FILIP1L: variants seen among roughly 807,000 people sequenced by gnomAD.
FILIP1L encodes the protein filamin A interacting protein 1 like, also known as filamin A-interacting protein 1-like.
FILIP1L carries 55 observed loss-of-function variants against 96.6 expected under a neutral mutation model. That is an observed-to-expected ratio of 0.57 (90% CI 0.46 to 0.71). The LOEUF (loss-of-function observed/expected upper bound fraction) is 0.71, where lower values mean the gene tolerates loss of function less well. Ranked by LOEUF, FILIP1L falls within the 30% of genes least tolerant of loss-of-function variation. The pLI is 0.00. For synonymous variants in FILIP1L, 467 were observed against 473.9 expected, an observed-to-expected ratio of 0.99 and a Z score of 0.19; for missense variants, 1,304 against 1,321.2, an observed-to-expected ratio of 0.99 and a Z score of 0.20.
rs189728093 is a variant in FILIP1L at position 99,841,860 on chromosome 3, A to G, written c.3381+6435T>C. Among the ~76,000 whole-genome samples the G allele has an allele frequency of 7.2e-3, 1,096 of 152,308 alleles. 18 individuals are homozygous for G. Among genetic ancestry groups the G allele is most frequent in the African/African-American group, 0.024 (1,009 of 41,552 alleles). ...TAGATGTTGGTGTGGATGTGGTGAAAGGGGAACACTTTTACACTGTTGGTG... is the reference window on the plus strand; with the variant it reads ...TAGATGTTGGTGTGGATGTGGTGAAGGGGGAACACTTTTACACTGTTGGTG... On this transcript the variant is annotated intron_variant, in intron 5 of 5. Coordinates refer to ENST00000477258, the MANE Select transcript of FILIP1L (RefSeq NM_001387850.1).
At chr3:99,994,746 A>C (rs1415562650) in intron 1 of FILIP1L, among the ~76,000 whole-genome samples, 2 of 152,200 alleles carry the variant, frequency 1.3e-5, no homozygotes, top group African/African-American at 4.8e-5. Flanking sequence ...GGTGGGAGGC[A>C]AAAGGCACTT....
chr3:99,972,664 G>A (rs1369452190), intron 1 of FILIP1L, among the ~76,000 whole-genome samples: 2 of 152,142 alleles, frequency 1.3e-5, no homozygotes, highest in African/African-American at 4.8e-5. Flanking sequence ...CACCCTGTTG[G>A]GAAAGATTGA....
At chr3:99,841,652 C>A (rs1943137821) in intron 5 of FILIP1L, among the ~76,000 whole-genome samples, 1 of 151,974 alleles carries the variant, frequency 6.6e-6, no homozygotes, top group South Asian at 2.1e-4. Flanking sequence ...AGGCGCAATC[C>A]CATCATAAAA....
intron 1 of FILIP1L, among the ~76,000 whole-genome samples, chr3:99,939,269 G>C (rs1378451234): frequency 2.6e-5 from 4 of 152,184 alleles, no homozygotes; most frequent in Non-Finnish European, 5.9e-5. Context: ...GTCCAAAAGT[G>C]CTTCCTTGTT....
intron 1 of FILIP1L, among the ~76,000 whole-genome samples, chr3:99,954,087 T>C (rs913201698): frequency 6.6e-6 from 1 of 152,264 alleles, no homozygotes; most frequent in African/African-American, 2.4e-5. Context: ...GTAGCAGCCT[T>C]AGGCTAAGCA....
intron 1 of FILIP1L, among the ~76,000 whole-genome samples, chr3:100,056,537 C>T (rs1199467603): frequency 1.3e-5 from 2 of 152,138 alleles, no homozygotes; most frequent in Non-Finnish European, 2.9e-5. Context: ...TTTTAGCCTC[C>T]AGGTCAGAAA....
intron 5 of FILIP1L, among the ~76,000 whole-genome samples, chr3:99,845,340 A>G (rs1011793436): frequency 3.3e-5 from 5 of 152,190 alleles, no homozygotes; most frequent in Non-Finnish European, 7.4e-5. Context: ...AAAGAGTTAA[A>G]GAGATAGTGG....
intron 1 of FILIP1L, among the ~76,000 whole-genome samples, chr3:100,102,322 A>G (rs1053078923): frequency 1.3e-5 from 2 of 151,928 alleles, no homozygotes; most frequent in African/African-American, 4.8e-5. Flanking sequence ...TCTAACTGGT[A>G]TGAGATGGTA....
chr3:100,040,953 C>T (rs1318363262), intron 1 of FILIP1L: 1 of 152,134 alleles, frequency 6.6e-6, no homozygotes, highest in Non-Finnish European at 1.5e-5. Context: ...GTTTTTATAA[C>T]GAGTTCATGT....
chr3:99,891,647 A>G (rs1186773034), intron 4 of FILIP1L, among the ~76,000 whole-genome samples: 1 of 152,200 alleles, frequency 6.6e-6, no homozygotes, highest in Non-Finnish European at 1.5e-5. Flanking sequence ...AGCAATGGAC[A>G]TTAGAACAAT....
At chr3:99,859,046 C>CTAAATG (rs1944111585) in intron 4 of FILIP1L, among the ~76,000 whole-genome samples, 1 of 152,204 alleles carries the variant, frequency 6.6e-6, no homozygotes, top group Non-Finnish European at 1.5e-5. Context: ...TCTCCCAGTC[C>CTAAATG]ACAGAAAAGT....
At chr3:100,043,635 G>T (rs2065239180) in intron 1 of FILIP1L, among the ~76,000 whole-genome samples, 1 of 152,116 alleles carries the variant, frequency 6.6e-6, no homozygotes, top group African/African-American at 2.4e-5. Flanking sequence ...TACATCCCTG[G>T]AAGGTGATTA....
At chr3:99,901,223 C>T (rs549668202) in intron 4 of FILIP1L, among the ~76,000 whole-genome samples, 1 of 152,198 alleles carries the variant, frequency 6.6e-6, no homozygotes, top group Non-Finnish European at 1.5e-5. Context: ...AATGGCTACA[C>T]GTTGAAATAG....
rs370561748 is a variant in FILIP1L at position 99,849,858 on chromosome 3, T to C, written c.1818A>G (p.Lys606=). The C allele has an allele frequency of 6.2e-7, 1 of 1,611,158 alleles. No individual in the cohort carries two copies. The highest frequency in any genetic ancestry group is 8.5e-7 in the Non-Finnish European group (1 of 1,179,532). The part of the protein sequence containing the change: ...EAIEKDFLKN[K]LNQDSGKSTT... ...TGGATTTCCCAGAGTCTTGATTTAA[T>C]TTGTTTTTTAGGAAATCTTTCTCAA... The change falls in exon 5 of 6, where the codon AAA becomes AAG. Residue 606 remains lysine (K), a synonymous_variant. Coordinates refer to ENST00000477258, the MANE Select transcript of FILIP1L (RefSeq NM_001387850.1).
At chr3:99,930,671 A>G in intron 2 of FILIP1L, 98 bp downstream of exon 2, 1 of 1,325,988 alleles carries the variant, frequency 7.5e-7, no homozygotes, top group Non-Finnish European at 1.1e-6. Flanking sequence ...ACACACATGT[A>G]TGAACCACAG....
chr3:99,877,290 GTC>G (rs1383980784), intron 4 of FILIP1L, among the ~76,000 whole-genome samples: 1 of 152,094 alleles, frequency 6.6e-6, no homozygotes, highest in Non-Finnish European at 1.5e-5. Context: ...ATGTACATAT[GTC>G]TGTAGAATTA....
rs560601580 is a variant in FILIP1L, at chr3:100,073,052, T to G, written c.-11+41001A>C. 6.6e-5 allele frequency among the ~76,000 whole-genome samples: 10 copies of G among 152,296 alleles called. 1 individual carries two copies. The South Asian group carries it at 2.1e-3, about 32-fold the overall frequency. On this transcript the variant is annotated intron_variant, in intron 1 of 5. Coordinates refer to ENST00000477258, the MANE Select transcript of FILIP1L (RefSeq NM_001387850.1). ...AATATCAGAGGCAAAGCATAATTAGTTTATGTGTATGTTCATAATAAAATG... is the reference window on the plus strand; with the variant it reads ...AATATCAGAGGCAAAGCATAATTAGGTTATGTGTATGTTCATAATAAAATG...
At chr3:100,002,158 ATTC>A (rs1411533429) in intron 1 of FILIP1L, among the ~76,000 whole-genome samples, 1 of 152,208 alleles carries the variant, frequency 6.6e-6, no homozygotes, top group Non-Finnish European at 1.5e-5. Context: ...TCTCTAATGA[ATTC>A]TTCTTTATTT....
intron 1 of FILIP1L, among the ~76,000 whole-genome samples, chr3:100,042,272 T>G (rs2065217553): frequency 6.6e-6 from 1 of 152,186 alleles, no homozygotes; most frequent in Admixed American, 6.5e-5. Flanking sequence ...TCACAGAGCT[T>G]AGTGCTGTAA....
Sources: allele counts gnomAD v4.1 joint callset (sites outside exome capture counted in the v4.1 genomes callset), GRCh38; gene constraint gnomAD v4.1.1; transcripts MANE v1.5; gene names NCBI Gene and HGNC (gene_info 2026-07-23, HGNC 2026-07-21).